ITPR2: variants seen among roughly 807,000 people sequenced by gnomAD.
ITPR2 encodes the protein inositol 1,4,5-trisphosphate-gated calcium channel ITPR2.
Under a neutral mutation model 317.1 loss-of-function variants are expected in ITPR2, and 207 were observed. The observed-to-expected ratio is 0.65, with a 90% CI of 0.58 to 0.73. The LOEUF (loss-of-function observed/expected upper bound fraction) is 0.73, where lower values mean the gene tolerates loss of function less well. Among genes scored for constraint, ITPR2 ranks in the 30% least tolerant of loss-of-function variants. The probability of loss-of-function intolerance (pLI) is 0.00; values close to 1 mark genes in which losing one functional copy is unlikely to be tolerated. For missense variants in ITPR2, 2,613 were observed against 3,284.0 expected (o/e 0.80, Z 4.99); for synonymous variants, 1,156 against 1,149.1 (o/e 1.01, Z -0.12).
intron 2 of ITPR2, among the ~76,000 whole-genome samples, chr12:26,770,209 A>G (rs1949815227): frequency 2.0e-5 from 3 of 152,216 alleles, no homozygotes; most frequent in Admixed American, 6.5e-5. Flanking sequence ...GATTGAATAA[A>G]TAAGGTCTTT....
chr12:26,414,416 T>C (rs1256059420), intron 51 of ITPR2, among the ~76,000 whole-genome samples: 1 of 152,130 alleles, frequency 6.6e-6, no homozygotes, highest in Non-Finnish European at 1.5e-5. Context: ...TAAATCCTAG[T>C]TTTACATTTA....
intron 54 of ITPR2, 21 bp from the exon 55 acceptor site, chr12:26,387,615 A>G: frequency 6.2e-7 from 1 of 1,606,516 alleles, no homozygotes; most frequent in African/African-American, 1.3e-5. Context: ...CAGGCAACAC[A>G]ATATATGTAA....
At chr12:26,759,583 G>A (rs1949591345) in intron 2 of ITPR2, among the ~76,000 whole-genome samples, 1 of 152,146 alleles carries the variant, frequency 6.6e-6, no homozygotes, top group Admixed American at 6.6e-5. Flanking sequence ...CTTATACTAA[G>A]AGCTGGAACA....
intron 9 of ITPR2, among the ~76,000 whole-genome samples, chr12:26,700,613 C>T (rs990917744): frequency 1.1e-4 from 16 of 152,158 alleles, no homozygotes; most frequent in Admixed American, 2.6e-4. Context: ...TCCCTCCTGC[C>T]TCCATAAAGC....
At chr12:26,666,793 T>C (rs1947640883) in intron 13 of ITPR2, among the ~76,000 whole-genome samples, 1 of 152,216 alleles carries the variant, frequency 6.6e-6, no homozygotes, top group Admixed American at 6.5e-5. Flanking sequence ...CAGTGGCATG[T>C]AGTACAGGAA....
At chr12:26,340,766 C>A (rs1390845901) in intron 55 of ITPR2, among the ~76,000 whole-genome samples, 3 of 152,260 alleles carry the variant, frequency 2.0e-5, no homozygotes, top group South Asian at 2.1e-4. Context: ...GCCTCAGCCA[C>A]CCACACTACT....
At chr12:26,762,425 G>T (rs1949652167) in intron 2 of ITPR2, among the ~76,000 whole-genome samples, 1 of 152,158 alleles carries the variant, frequency 6.6e-6, no homozygotes, top group Non-Finnish European at 1.5e-5. Flanking sequence ...GAGACAGTGG[G>T]ATGACATATT....
At chr12:26,774,347 A>G (rs1000939042) in intron 2 of ITPR2, among the ~76,000 whole-genome samples, 4 of 152,184 alleles carry the variant, frequency 2.6e-5, no homozygotes, top group African/African-American at 9.7e-5. Flanking sequence ...TTTAAAAATT[A>G]TGGTTCTTAG....
chr12:26,657,915 A>G (rs1161603156), intron 17 of ITPR2, 23 bp from the exon 18 acceptor site: 2 of 1,608,972 alleles, frequency 1.2e-6, no homozygotes, highest in Admixed American at 3.4e-5. Context: ...AGCACATACA[A>G]AAATCTACTA....
chr12:26,571,109 C>T (rs1462743650), intron 34 of ITPR2, among the ~76,000 whole-genome samples: 2 of 152,076 alleles, frequency 1.3e-5, no homozygotes, highest in East Asian at 1.9e-4. Flanking sequence ...TAGAAGACAG[C>T]GTAACAATGG....
intron 55 of ITPR2, among the ~76,000 whole-genome samples, chr12:26,383,109 T>C (rs1330345372): frequency 2.0e-5 from 3 of 152,180 alleles, no homozygotes; most frequent in Non-Finnish European, 4.4e-5. Context: ...TAGTTCACTC[T>C]GGACTTAGTT....
chr12:26,591,759 C>A (rs1168627590), intron 32 of ITPR2, among the ~76,000 whole-genome samples: 1 of 151,762 alleles, frequency 6.6e-6, no homozygotes, highest in East Asian at 1.9e-4. Context: ...ATGGTTGAAC[C>A]CCGGAGGCAG....
At chr12:26,807,026 T>C (rs970193159) in intron 1 of ITPR2, among the ~76,000 whole-genome samples, 4 of 151,982 alleles carry the variant, frequency 2.6e-5, no homozygotes, top group Non-Finnish European at 4.4e-5. Flanking sequence ...TCATCTCTAC[T>C]AAAAATACAA....
chr12:26,702,143 T>C (rs1482608599), intron 9 of ITPR2, among the ~76,000 whole-genome samples: 1 of 152,028 alleles, frequency 6.6e-6, no homozygotes, highest in East Asian at 1.9e-4. Flanking sequence ...ATAATACAAG[T>C]AAAATATCTA....
chr12:26,806,953 T>C (rs1712857314), intron 1 of ITPR2, among the ~76,000 whole-genome samples: 1 of 152,168 alleles, frequency 6.6e-6, no homozygotes, highest in African/African-American at 2.4e-5. Flanking sequence ...AAAATATCCC[T>C]CTTCTCTTTA....
intron 1 of ITPR2, among the ~76,000 whole-genome samples, chr12:26,800,134 C>G (rs1036364036): frequency 6.6e-6 from 1 of 152,122 alleles, no homozygotes; most frequent in African/African-American, 2.4e-5. Context: ...AGGTTTCTGT[C>G]TGCTTTTGGT....
chr12:26,709,080 T>A (rs1183353277), intron 9 of ITPR2, among the ~76,000 whole-genome samples: 2 of 152,140 alleles, frequency 1.3e-5, no homozygotes, highest in African/African-American at 4.8e-5. Context: ...AGGACAAGCA[T>A]CCTGAGACAT....
chr12:26,560,969 C>G (rs1323783381), intron 35 of ITPR2, among the ~76,000 whole-genome samples: 2 of 152,126 alleles, frequency 1.3e-5, no homozygotes, highest in Non-Finnish European at 2.9e-5. Flanking sequence ...AATTAGAACT[C>G]CCCCAAATTT....
intron 1 of ITPR2, among the ~76,000 whole-genome samples, chr12:26,807,422 C>A (rs1258625249): frequency 1.3e-5 from 2 of 152,146 alleles, no homozygotes; most frequent in Admixed American, 1.3e-4. Flanking sequence ...TACTTATGAA[C>A]CCAGCCAAGC....
Sources: allele counts gnomAD v4.1 joint callset (sites outside exome capture counted in the v4.1 genomes callset), GRCh38; gene constraint gnomAD v4.1.1; transcripts MANE v1.5; gene names NCBI Gene and HGNC (gene_info 2026-07-23, HGNC 2026-07-21).